Variants in SCN11A observed in about 807,000 individuals in gnomAD.
SCN11A encodes the protein sodium channel protein type 11 subunit alpha.
In SCN11A, 122 loss-of-function variants were observed where a neutral mutation model predicts 162.2. That is an observed-to-expected ratio of 0.75 (90% CI 0.65 to 0.87). The LOEUF (loss-of-function observed/expected upper bound fraction) is 0.87, where lower values mean the gene tolerates loss of function less well. Ranked by LOEUF, SCN11A falls within the 40% of genes least tolerant of loss-of-function variation. The pLI, the probability that SCN11A is intolerant of heterozygous loss-of-function variation, is 0.00. For synonymous variants in SCN11A, 758 were observed against 751.5 expected (o/e 1.01, Z -0.14); for missense variants, 2,015 against 2,181.6 (o/e 0.92, Z 1.52).
chr3:38,971,723 CCT>C (rs112510559), intron 2 of SCN11A, among the ~76,000 whole-genome samples: 3 of 152,204 alleles, frequency 2.0e-5, no homozygotes, highest in Admixed American at 6.5e-5. Context: ...TCCTCCCCTC[CCT>C]GTTTCTTGGT....
chr3:38,945,304 T>C (rs2066499532), intron 7 of SCN11A, 107 bp downstream of exon 7: 4 of 688,874 alleles, frequency 5.8e-6, no homozygotes, highest in Non-Finnish European at 1.0e-5. Flanking sequence ...CCAACATATG[T>C]GTTAGAATTA....
chr3:38,890,855 T>C (rs754871466), intron 19 of SCN11A, among the ~76,000 whole-genome samples: 2 of 152,116 alleles, frequency 1.3e-5, no homozygotes, highest in Non-Finnish European at 2.9e-5. Flanking sequence ...GGGGGATAGG[T>C]TGGAGAGGGA....
chr3:39,005,443 C>T (rs559019441), intron 2 of SCN11A, among the ~76,000 whole-genome samples: 20 of 152,298 alleles, frequency 1.3e-4, no homozygotes, highest in Admixed American at 1.2e-3. Flanking sequence ...TCTCAGGGAC[C>T]AACCTCTTTC....
chr3:38,948,164 G>C (rs2066547010), intron 5 of SCN11A, among the ~76,000 whole-genome samples: 1 of 152,182 alleles, frequency 6.6e-6, no homozygotes, highest in South Asian at 2.1e-4. Context: ...TATGAGCCAG[G>C]AGCCCAAGAC....
chr3:38,947,799 G>A (rs1367345137), intron 5 of SCN11A, among the ~76,000 whole-genome samples: 5 of 152,176 alleles, frequency 3.3e-5, no homozygotes. Context: ...TAATCTAGCT[G>A]TCCCCATATC....
intron 1 of SCN11A, among the ~76,000 whole-genome samples, chr3:39,039,264 G>T (rs1204061637): frequency 1.3e-5 from 2 of 152,216 alleles, no homozygotes; most frequent in Non-Finnish European, 2.9e-5. Context: ...GAGAATGGAA[G>T]TCTAAAAAAT....
intron 11 of SCN11A, among the ~76,000 whole-genome samples, chr3:38,914,154 C>A (rs575134730): frequency 1.3e-5 from 2 of 152,224 alleles, no homozygotes; most frequent in African/African-American, 4.8e-5. Flanking sequence ...TTGTTTGTGT[C>A]ATTTTTAATT....
chr3:38,889,663 G>T (rs944497166), intron 19 of SCN11A, among the ~76,000 whole-genome samples: 2 of 151,480 alleles, frequency 1.3e-5, no homozygotes, highest in African/African-American at 4.9e-5. Flanking sequence ...AGCCGAGTGT[G>T]GTGGCCGGCG....
intron 2 of SCN11A, among the ~76,000 whole-genome samples, chr3:39,009,262 A>G (rs2031061364): frequency 6.6e-6 from 1 of 152,046 alleles, no homozygotes; most frequent in African/African-American, 2.4e-5. Flanking sequence ...TACATTTAGT[A>G]TTTTCATGTA....
chr3:39,011,092 G>C (rs1164227476), intron 2 of SCN11A, among the ~76,000 whole-genome samples: 2 of 152,156 alleles, frequency 1.3e-5, no homozygotes, highest in Non-Finnish European at 2.9e-5. Context: ...AGAGAAAGGA[G>C]GGCATTTATT....
intron 5 of SCN11A, among the ~76,000 whole-genome samples, chr3:38,949,277 TCA>T (rs2066564048): frequency 6.6e-6 from 1 of 152,240 alleles, no homozygotes; most frequent in Non-Finnish European, 1.5e-5. Context: ...CCAAGTGTGC[TCA>T]CAGCCTCAGG....
At chr3:38,850,822 A>T in intron 28 of SCN11A, 71 bp from the exon 29 acceptor site, 1 of 1,280,668 alleles carries the variant, frequency 7.8e-7, no homozygotes, top group Non-Finnish European at 1.1e-6. Flanking sequence ...AAAGAACATA[A>T]ATACAACAGA....
At chr3:38,905,360 G>A (rs1559522104) in intron 14 of SCN11A, 39 bp from the exon 15 acceptor site, 3 of 1,593,136 alleles carry the variant, frequency 1.9e-6, no homozygotes, top group Non-Finnish European at 1.7e-6. Flanking sequence ...AAAGACAGGG[G>A]CTGCCTCTCC....
At chr3:38,908,704 G>A (rs2065839575) in intron 13 of SCN11A, among the ~76,000 whole-genome samples, 1 of 152,154 alleles carries the variant, frequency 6.6e-6, no homozygotes, top group Admixed American at 6.5e-5. Context: ...ATATACTTAT[G>A]TTGTATCGTC....
intron 8 of SCN11A, among the ~76,000 whole-genome samples, 181 bp from the exon 9 acceptor site, chr3:38,925,690 T>C (rs909576019): frequency 2.0e-5 from 3 of 152,244 alleles, no homozygotes; most frequent in African/African-American, 7.2e-5. Context: ...GTTCTTGCTA[T>C]GAACTGCAGA....
intron 27 of SCN11A, among the ~76,000 whole-genome samples, chr3:38,864,251 CT>C (rs2065008756): frequency 6.6e-6 from 1 of 152,148 alleles, no homozygotes; most frequent in African/African-American, 2.4e-5. Context: ...TTCAGGCTTA[CT>C]TTGATGAGGG....
intron 7 of SCN11A, among the ~76,000 whole-genome samples, chr3:38,928,159 T>C (rs2066173495): frequency 1.3e-5 from 2 of 152,200 alleles, no homozygotes; most frequent in South Asian, 2.1e-4. Flanking sequence ...TAACTCAATA[T>C]GGATTAAAGT....
At chr3:38,951,356 C>G (rs561029041) in intron 4 of SCN11A, among the ~76,000 whole-genome samples, 1 of 152,248 alleles carries the variant, frequency 6.6e-6, no homozygotes, top group Non-Finnish European at 1.5e-5. Flanking sequence ...GCGCTGCACT[C>G]GATTTCTCAC....
intron 2 of SCN11A, among the ~76,000 whole-genome samples, chr3:39,031,218 C>A (rs2031741254): frequency 6.6e-6 from 1 of 152,168 alleles, no homozygotes; most frequent in East Asian, 1.9e-4. Context: ...ATTGTAAATA[C>A]TGTATTTAAA....
Sources: gnomAD v4.1 joint callset for allele counts (sites outside exome capture counted in the v4.1 genomes callset) on GRCh38, gnomAD v4.1.1 for gene constraint, MANE v1.5 for transcripts, NCBI Gene and HGNC (gene_info 2026-07-23, HGNC 2026-07-21) for gene names.